The following HNRNPC variants were observed in gnomAD, a reference collection of about 807,000 sequenced individuals.
HNRNPC encodes heterogeneous nuclear ribonucleoproteins C1/C2.
A neutral mutation model predicts 33.2 loss-of-function variants in HNRNPC; 3 were observed. The ratio of observed to expected loss-of-function variants is 0.09; its 90% confidence interval spans 0.04 to 0.23. The LOEUF (loss-of-function observed/expected upper bound fraction) is 0.23, where lower values mean the gene tolerates loss of function less well. Among genes scored for constraint, HNRNPC ranks in the 10% least tolerant of loss-of-function variants. The pLI, the probability that HNRNPC is intolerant of heterozygous loss-of-function variation, is 1.00. For synonymous variants in HNRNPC, 121 were observed against 126.7 expected (o/e 0.96, Z 0.30); for missense variants, 143 against 366.7 (o/e 0.39, Z 4.98).
At chr14:21,266,182 A>G (rs1024294625) in intron 1 of HNRNPC, among the ~76,000 whole-genome samples, 2 of 152,132 alleles carry the variant, frequency 1.3e-5, no homozygotes, top group African/African-American at 4.8e-5. Context: ...GGCTCACTGC[A>G]ACCTCCACCT....
At chr14:21,262,806 G>A (rs1878451897) in intron 2 of HNRNPC, 1 of 152,080 alleles carries the variant, frequency 6.6e-6, no homozygotes, top group Non-Finnish European at 1.5e-5. Flanking sequence ...TAAGTGTTAA[G>A]TAGTACCACA....
intron 5 of HNRNPC, among the ~76,000 whole-genome samples, chr14:21,215,504 T>C (rs542489226): frequency 2.6e-5 from 4 of 152,334 alleles, no homozygotes; most frequent in East Asian, 3.9e-4. Context: ...CCTAGGAGAA[T>C]TGTAACTGCA....
intron 5 of HNRNPC, chr14:21,213,536 A>G (rs150408776): frequency 1.2e-5 from 2 of 161,200 alleles, no homozygotes; most frequent in East Asian, 3.6e-4. Flanking sequence ...AAATGTTCCA[A>G]TTAAAAGGGT....
intron 2 of HNRNPC, among the ~76,000 whole-genome samples, chr14:21,259,163 C>T (rs1877745812): frequency 6.6e-6 from 1 of 152,162 alleles, no homozygotes; most frequent in African/African-American, 2.4e-5. Flanking sequence ...GAGGCCAAGT[C>T]TTGTTCCCCC....
chr14:21,219,122 A>AGAAGAAG (rs1555351426), intron 5 of HNRNPC, among the ~76,000 whole-genome samples: 8 of 150,486 alleles, frequency 5.3e-5, no homozygotes, highest in South Asian at 4.2e-4. Flanking sequence ...AAAAAAAAAA[A>AGAAGAAG]AAGAAGAAAA....
At chr14:21,267,057 T>C (rs1879109379) in intron 1 of HNRNPC, among the ~76,000 whole-genome samples, 2 of 128,158 alleles carry the variant, frequency 1.6e-5, no homozygotes, top group African/African-American at 6.0e-5. Context: ...TGCCACGACA[T>C]GCACTCCAGC....
At chr14:21,264,182 G>T (rs1048976536) in intron 1 of HNRNPC, 7 of 152,274 alleles carry the variant, frequency 4.6e-5, no homozygotes, top group Non-Finnish European at 1.0e-4. Context: ...CAAATACTGA[G>T]ATTATAAAAC....
chr14:21,253,690 T>C (rs1275449180), intron 2 of HNRNPC, among the ~76,000 whole-genome samples: 5 of 152,050 alleles, frequency 3.3e-5, no homozygotes. Context: ...TTCACAAAAC[T>C]AGAAATTAAG....
At chr14:21,253,204 C>T (rs1475188307) in intron 2 of HNRNPC, among the ~76,000 whole-genome samples, 7 of 148,172 alleles carry the variant, frequency 4.7e-5, no homozygotes, top group East Asian at 3.9e-4. Flanking sequence ...TGGCCAGGCG[C>T]GGTGGCTCAC....
chr14:21,250,971 T>A (rs1896585798), intron 2 of HNRNPC, among the ~76,000 whole-genome samples: 1 of 152,102 alleles, frequency 6.6e-6, no homozygotes, highest in South Asian at 2.1e-4. Context: ...TCTCAAGACT[T>A]CCATTTCCGG....
chr14:21,256,887 C>T (rs142301002), intron 2 of HNRNPC, among the ~76,000 whole-genome samples: 19 of 152,210 alleles, frequency 1.2e-4, no homozygotes, highest in Non-Finnish European at 2.4e-4. Context: ...CCCCTGAGCT[C>T]AAGCGATGCG....
At chr14:21,222,559 T>C (rs775682998) in intron 5 of HNRNPC, among the ~76,000 whole-genome samples, 1 of 152,150 alleles carries the variant, frequency 6.6e-6, no homozygotes, top group Non-Finnish European at 1.5e-5. Context: ...TATTCTTTAG[T>C]CAGTTGATGG....
At chr14:21,269,087 G>A (rs1460582585) in intron 1 of HNRNPC, among the ~76,000 whole-genome samples, 4 of 152,048 alleles carry the variant, frequency 2.6e-5, no homozygotes, top group Non-Finnish European at 4.4e-5. Flanking sequence ...CATTTTCCCT[G>A]GCGATCGTGG....
intron 2 of HNRNPC, among the ~76,000 whole-genome samples, chr14:21,237,146 C>G (rs1894784388): frequency 6.6e-6 from 1 of 152,178 alleles, no homozygotes; most frequent in Admixed American, 6.5e-5. Flanking sequence ...AGTTGCATCC[C>G]TGTAAAGTCT....
At chr14:21,252,627 G>A (rs1471553779) in intron 2 of HNRNPC, among the ~76,000 whole-genome samples, 1 of 152,120 alleles carries the variant, frequency 6.6e-6, no homozygotes, top group Non-Finnish European at 1.5e-5. Flanking sequence ...AATATGTTTA[G>A]TATTAAAATA....
At chr14:21,211,360 G>A (rs1445383669) in intron 8 of HNRNPC, 46 bp downstream of exon 8, 4 of 1,612,158 alleles carry the variant, frequency 2.5e-6, no homozygotes, top group African/African-American at 2.7e-5. Context: ...ATGTGTCCCT[G>A]AGCCCCCCTC....
intron 1 of HNRNPC, among the ~76,000 whole-genome samples, chr14:21,268,373 T>C (rs1283113437): frequency 2.0e-5 from 3 of 152,220 alleles, no homozygotes; most frequent in African/African-American, 7.2e-5. Context: ...TCAAGTCTCG[T>C]AGTATTTTTC....
intron 5 of HNRNPC, among the ~76,000 whole-genome samples, chr14:21,221,534 T>C: frequency 6.6e-6 from 1 of 152,150 alleles, no homozygotes. Context: ...AAACCCATAA[T>C]CCTTAAAAAC....
intron 3 of HNRNPC, among the ~76,000 whole-genome samples, chr14:21,231,966 T>C (rs1488637695): frequency 3.3e-5 from 5 of 152,204 alleles, no homozygotes; most frequent in Non-Finnish European, 7.3e-5. Context: ...CTTCAGATTT[T>C]CTTTATAAGT....
Sources: gnomAD v4.1 joint callset for allele counts (sites outside exome capture counted in the v4.1 genomes callset) on GRCh38, gnomAD v4.1.1 for gene constraint, MANE v1.5 for transcripts, NCBI Gene and HGNC (gene_info 2026-07-23, HGNC 2026-07-21) for gene names.